The following SLC24A3 variants were observed in gnomAD, a reference collection of about 807,000 sequenced individuals.
SLC24A3 encodes solute carrier family 24 member 3.
A neutral mutation model predicts 75.8 loss-of-function variants in SLC24A3; 28 were observed. The ratio of observed to expected loss-of-function variants is 0.37; its 90% CI spans 0.27 to 0.51. The LOEUF (loss-of-function observed/expected upper bound fraction) is 0.51, where lower values mean the gene tolerates loss of function less well. SLC24A3 is among the 20% of genes least tolerant of loss of function. SLC24A3 has a pLI of 0.94. For synonymous variants in SLC24A3, 372 were observed against 334.1 expected (o/e 1.11, Z -1.24); for missense variants, 663 against 847.8 (o/e 0.78, Z 2.71).
At chr20:19,663,990 A>G (rs2032368985) in intron 7 of SLC24A3, among the ~76,000 whole-genome samples, 1 of 152,178 alleles carries the variant, frequency 6.6e-6, no homozygotes, top group African/African-American at 2.4e-5. Context: ...ATCACTCAGA[A>G]TAAGGGCTTT....
Position 19,721,316 on chromosome 20 carries a change from C to T in SLC24A3, c.*176C>T, listed in dbSNP as rs1303856432. On this transcript the variant is annotated 3_prime_UTR_variant, in exon 17 of 17. Transcript: ENST00000328041. ...CTCCCCTGACCCATCCTCGCTCCCC[C>T]ACCTCCTTGGGTCATGCCCACCCAC... 1.4e-6 allele frequency: 1 copy of T among 701,192 alleles called. No homozygotes were observed. The highest frequency in any genetic ancestry group is 1.8e-5 in the African/African-American group (1 of 55,446). 43.4% of individuals were successfully genotyped at this position (701,192 alleles called of 1,614,324 possible). A position where few individuals can be genotyped will look rare whatever the true frequency, so the allele number is the denominator to read the frequency against.
At position 19,425,553 on chromosome 20, in the gene SLC24A3, G is replaced by A. The variant is rs974053720; in HGVS notation, c.272-89935G>A. Among the ~76,000 whole-genome samples, 5 of 152,082 alleles carry A rather than the reference G, an allele frequency of 3.3e-5. No individual in the cohort carries two copies. In the East Asian group the frequency reaches 5.8e-4, roughly 18 times the overall value. On this transcript the variant is annotated intron_variant, in intron 2 of 16. Coordinates refer to ENST00000328041, the MANE Select transcript of SLC24A3 (RefSeq NM_020689.4). ...GAGGTGGTGGCCTTCCCGTTGCATC[G>A]GTTCCAGAGGTTCATGGTGCCAGCT... is the stretch of plus-strand genomic sequence containing the variant.
chr20:19,661,605 G>A (rs2032327381), intron 7 of SLC24A3, among the ~76,000 whole-genome samples: 2 of 152,208 alleles, frequency 1.3e-5, no homozygotes. Context: ...CGATGATGTT[G>A]ATTTTCTCCC....
intron 2 of SLC24A3, among the ~76,000 whole-genome samples, chr20:19,392,135 T>G (rs1336652682): frequency 6.6e-6 from 1 of 152,152 alleles, no homozygotes; most frequent in Non-Finnish European, 1.5e-5. Context: ...GGAGCATAGA[T>G]GTTTAGAGGT....
intron 6 of SLC24A3, among the ~76,000 whole-genome samples, chr20:19,640,705 A>G (rs2122697312): frequency 6.6e-6 from 1 of 152,316 alleles, no homozygotes; most frequent in East Asian, 1.9e-4. Context: ...AGCCGAGATC[A>G]TGCCACTACA....
chr20:19,536,896 C>G (rs1444539945), intron 3 of SLC24A3, among the ~76,000 whole-genome samples: 1 of 152,074 alleles, frequency 6.6e-6, no homozygotes, highest in East Asian at 1.9e-4. Flanking sequence ...TAAAGACTTA[C>G]ATGTTACACC....
chr20:19,270,062 T>G (rs1343025528), intron 1 of SLC24A3, among the ~76,000 whole-genome samples: 1 of 152,096 alleles, frequency 6.6e-6, no homozygotes, highest in Non-Finnish European at 1.5e-5. Flanking sequence ...TGATTGGGAG[T>G]CCCTGGGATT....
intron 3 of SLC24A3, among the ~76,000 whole-genome samples, chr20:19,547,845 CTAAT>C (rs1279702476): frequency 6.6e-6 from 1 of 152,244 alleles, no homozygotes; most frequent in Non-Finnish European, 1.5e-5. Flanking sequence ...TGTCCTCTCT[CTAAT>C]TAAAGAGATC....
chr20:19,290,821 A>C (rs947975692), intron 2 of SLC24A3, among the ~76,000 whole-genome samples: 17 of 152,186 alleles, frequency 1.1e-4, no homozygotes, highest in African/African-American at 4.1e-4. Context: ...GGAGACCGCC[A>C]GCCACATGTA....
At chr20:19,720,487 T>C (rs2033092861) in intron 16 of SLC24A3, among the ~76,000 whole-genome samples, 1 of 151,890 alleles carries the variant, frequency 6.6e-6, no homozygotes, top group Admixed American at 6.6e-5. Context: ...GGCTCAGTGT[T>C]TTTAGGGAGG....
At chr20:19,419,810 C>T (rs1440225500) in intron 2 of SLC24A3, among the ~76,000 whole-genome samples, 1 of 150,236 alleles carries the variant, frequency 6.7e-6, no homozygotes, top group Non-Finnish European at 1.5e-5. Context: ...TCGCCATGTC[C>T]TCGACAGCCA....
rs1568689606 is a variant in SLC24A3, at chr20:19,663,439, T to TC, written c.688-2424dup. Among the ~76,000 whole-genome samples, 19 of 13,450 alleles carry TC rather than the reference T, an allele frequency of 1.4e-3. 3 individuals are homozygous for TC. Among genetic ancestry groups the TC allele is most frequent in the African/African-American group, 3.8e-3 (3 of 780 alleles). The allele number at this position is 13,450 out of a possible 152,430, so 8.8% of individuals were successfully genotyped here. A position where few individuals can be genotyped will look rare whatever the true frequency, so the allele number is the denominator to read the frequency against. On this transcript the variant is annotated intron_variant, in intron 7 of 16. Transcript: ENST00000328041. ...TCCTCCTCCTCCTCCTCCTCCGCCT[T>TC]CTCATCCTCCTCCACTTCCTCCTCC...
intron 2 of SLC24A3, among the ~76,000 whole-genome samples, chr20:19,361,809 A>G (rs905359808): frequency 2.0e-5 from 3 of 152,242 alleles, no homozygotes; most frequent in Non-Finnish European, 4.4e-5. Context: ...CAATGTTGTC[A>G]TAGAATCTAG....
chr20:19,294,057 C>G (rs1213302946), intron 2 of SLC24A3, among the ~76,000 whole-genome samples: 1 of 152,078 alleles, frequency 6.6e-6, no homozygotes, highest in Non-Finnish European at 1.5e-5. Context: ...TACCTAATAC[C>G]TAATACAATG....
At chr20:19,711,440 A>G (rs1458439454) in intron 15 of SLC24A3, among the ~76,000 whole-genome samples, 2 of 152,176 alleles carry the variant, frequency 1.3e-5, no homozygotes, top group African/African-American at 4.8e-5. Context: ...AAACACATGC[A>G]GGCAAACGCG....
Position 19,693,254 on chromosome 20 carries a change from TCCAG to T in SLC24A3, c.1325-3_1325del. On this transcript the variant is annotated splice_acceptor_variant and splice_polypyrimidine_tract_variant and intron_variant, in intron 12 of 16. Transcript: ENST00000328041. LOFTEE classifies it high-confidence loss of function. Reference sequence around the variant, plus strand: ...ATTTCTTTTTGGCCTTTTTCATTTTTCCAGCGGGTAAACTGGAAACAGTGAAATG... The same window carrying T: ...ATTTCTTTTTGGCCTTTTTCATTTTTCGGGTAAACTGGAAACAGTGAAATG... 1 of 1,593,576 alleles carries T rather than the reference TCCAG, an allele frequency of 6.3e-7. No individual in the cohort carries two copies. The highest frequency in any genetic ancestry group is 1.4e-5 in the African/African-American group (1 of 73,460).
intron 2 of SLC24A3, among the ~76,000 whole-genome samples, chr20:19,420,518 A>G (rs535441373): frequency 6.8e-6 from 1 of 148,036 alleles, no homozygotes; most frequent in South Asian, 2.2e-4. Context: ...AATGATTGCC[A>G]TTCTAACTGG....
chr20:19,556,670 T>A (rs775605087), intron 3 of SLC24A3, among the ~76,000 whole-genome samples: 1 of 151,788 alleles, frequency 6.6e-6, no homozygotes, highest in Non-Finnish European at 1.5e-5. Context: ...TCACAACTGG[T>A]TGGGACACTG....
At chr20:19,576,085 G>GACCAGTAA (rs1018298334) in intron 3 of SLC24A3, among the ~76,000 whole-genome samples, 1 of 152,210 alleles carries the variant, frequency 6.6e-6, no homozygotes, top group African/African-American at 2.4e-5. Context: ...TGGGAAATGG[G>GACCAGTAA]ACCAGTAACT....
Sources: gnomAD v4.1 joint callset for allele counts (sites outside exome capture counted in the v4.1 genomes callset) on GRCh38, gnomAD v4.1.1 for gene constraint, MANE v1.5 for transcripts, NCBI Gene and HGNC (gene_info 2026-07-23, HGNC 2026-07-21) for gene names.